GLRX3: variants seen among roughly 807,000 people sequenced by gnomAD.
GLRX3 encodes the protein glutaredoxin 3.
Under a neutral mutation model 49.5 loss-of-function variants are expected in GLRX3, and 22 were observed. The ratio of observed to expected loss-of-function variants is 0.44; its 90% CI spans 0.32 to 0.63. The LOEUF is 0.63. GLRX3 is among the 30% of genes least tolerant of loss of function. The pLI is 0.05. For synonymous variants in GLRX3, 133 were observed against 140.0 expected, an observed-to-expected ratio of 0.95 and a Z score of 0.35; for missense variants, 385 against 396.3, an observed-to-expected ratio of 0.97 and a Z score of 0.24.
chr10:130,168,577 C>T (rs573511027), intron 6 of GLRX3, among the ~76,000 whole-genome samples: 6 of 152,282 alleles, frequency 3.9e-5, no homozygotes, highest in South Asian at 4.1e-4. Context: ...CCCGGGTAGC[C>T]GTGACCACAG....
At chr10:130,138,847 GTTTTTTTT>G (rs61152449) in intron 1 of GLRX3, among the ~76,000 whole-genome samples, 5 of 95,018 alleles carry the variant, frequency 5.3e-5, no homozygotes, top group Non-Finnish European at 7.7e-5. Context: ...GAATAAAAGT[GTTTTTTTT>G]TTTTTTTTTT....
At chr10:130,141,662 G>T (rs1042173225) in intron 1 of GLRX3, among the ~76,000 whole-genome samples, 1 of 152,144 alleles carries the variant, frequency 6.6e-6, no homozygotes, top group South Asian at 2.1e-4. Flanking sequence ...CTTTTTACTG[G>T]TAAGTTACAT....
chr10:130,174,193 G>A (rs1441136154), intron 8 of GLRX3, among the ~76,000 whole-genome samples: 8 of 152,240 alleles, frequency 5.3e-5, no homozygotes, highest in Non-Finnish European at 1.2e-4. Flanking sequence ...TCTGAAATAA[G>A]TTTAAGTGTG....
chr10:130,149,553 T>C (rs758677585), intron 2 of GLRX3, among the ~76,000 whole-genome samples: 4 of 152,200 alleles, frequency 2.6e-5, no homozygotes, highest in Non-Finnish European at 5.9e-5. Context: ...ACATAGTCAG[T>C]ATCTTCTCTC....
chr10:130,161,335 C>G (rs1019371044), intron 4 of GLRX3, among the ~76,000 whole-genome samples: 2 of 152,168 alleles, frequency 1.3e-5, no homozygotes, highest in East Asian at 3.9e-4. Context: ...TACCATATTG[C>G]TGTCTCTTTT....
intron 6 of GLRX3, among the ~76,000 whole-genome samples, chr10:130,168,590 G>A (rs773680914): frequency 1.3e-5 from 2 of 152,298 alleles, no homozygotes; most frequent in South Asian, 2.1e-4. Flanking sequence ...GACCACAGGC[G>A]TCCGCCACCA....
chr10:130,171,345 A>G (rs1182484701), intron 7 of GLRX3, among the ~76,000 whole-genome samples: 2 of 152,112 alleles, frequency 1.3e-5, no homozygotes, highest in African/African-American at 4.8e-5. Context: ...GTTGGAACAC[A>G]TGTCATCTCA....
chr10:130,147,647 A>G (rs1384732095), intron 2 of GLRX3, among the ~76,000 whole-genome samples: 3 of 151,206 alleles, frequency 2.0e-5, no homozygotes, highest in Non-Finnish European at 2.9e-5. Flanking sequence ...GGGCAAAGGT[A>G]CTTTCCATGG....
intron 2 of GLRX3, among the ~76,000 whole-genome samples, chr10:130,147,899 G>T (rs968230091): frequency 3.9e-5 from 6 of 152,120 alleles, no homozygotes; most frequent in Non-Finnish European, 7.3e-5. Context: ...AAAAAAGTTA[G>T]CTGTGCATGT....
chr10:130,145,326 A>G lies in GLRX3; in HGVS notation c.201+7A>G. ...TCAAGTTTCATTTGTGAAGGTATTT[A>G]TATTTCAATGTCATGTCTTTTGTGA... On this transcript the variant is annotated splice_region_variant and intron_variant, in intron 2 of 10. Transcript: ENST00000331244. 4 of 1,173,486 alleles carry G rather than the reference A, an allele frequency of 3.4e-6. No homozygotes were observed. Among genetic ancestry groups the G allele is most frequent in the Non-Finnish European group, 2.6e-6 (2 of 778,068 alleles). 72.7% of individuals were successfully genotyped at this position (1,173,486 alleles called of 1,614,324 possible).
At chr10:130,141,780 T>C (rs1449592777) in intron 1 of GLRX3, among the ~76,000 whole-genome samples, 2 of 152,206 alleles carry the variant, frequency 1.3e-5, no homozygotes, top group Non-Finnish European at 2.9e-5. Flanking sequence ...GCATGAGGCC[T>C]CTGTGAACCT....
In GLRX3 at chr10:130,166,793, G is replaced by T. The variant is rs2134913456; in HGVS notation, c.651+114G>T. The stretch of plus-strand genomic sequence containing the variant: ...CTTATGAATCTATATTTACTAATAA[G>T]AACCTGCAATGAATACACAGTATTT... On this transcript the variant is annotated intron_variant, in intron 5 of 10. Coordinates refer to ENST00000331244, the MANE Select transcript of GLRX3 (RefSeq NM_006541.5). The T allele has an allele frequency of 3.2e-6, 3 of 926,722 alleles. No homozygotes were observed. In the East Asian group the frequency reaches 7.5e-5, roughly 23 times the overall value. The allele number at this position is 926,722 out of a possible 1,614,324, so 57.4% of individuals were successfully genotyped here.
At chr10:130,169,340 C>T (rs1862757354) in intron 6 of GLRX3, 93 bp from the exon 7 acceptor site, 3 of 774,752 alleles carry the variant, frequency 3.9e-6, no homozygotes, top group Non-Finnish European at 7.0e-6. Context: ...GTCATCCTGC[C>T]ATCCCTCAAA....
chr10:130,157,739 A>G (rs1862504148), intron 2 of GLRX3, among the ~76,000 whole-genome samples: 1 of 151,968 alleles, frequency 6.6e-6, no homozygotes, highest in Non-Finnish European at 1.5e-5. Context: ...GCACCTTTCA[A>G]AATTGTCTGT....
At chr10:130,145,182 T>G (rs1862247862) in intron 1 of GLRX3, 29 bp from the exon 2 acceptor site, 4 of 866,966 alleles carry the variant, frequency 4.6e-6, no homozygotes, top group Non-Finnish European at 7.5e-6. Flanking sequence ...TGGTATAATT[T>G]TAAATAAATG....
At chr10:130,151,386 T>C (rs1862374295) in intron 2 of GLRX3, among the ~76,000 whole-genome samples, 2 of 152,186 alleles carry the variant, frequency 1.3e-5, no homozygotes, top group Non-Finnish European at 1.5e-5. Context: ...AAAATTATTA[T>C]TATACTTTAA....
At chr10:130,144,521 A>G (rs959623893) in intron 1 of GLRX3, among the ~76,000 whole-genome samples, 2 of 147,998 alleles carry the variant, frequency 1.4e-5, no homozygotes, top group African/African-American at 5.0e-5. Flanking sequence ...GTGTGGTTTC[A>G]TTGTTCACCT....
In GLRX3 at chr10:130,145,393, T is replaced by C. The variant is rs147509108; in HGVS notation, c.201+74T>C. The C allele has an allele frequency of 8.2e-5, 62 of 753,826 alleles. No individual in the cohort carries two copies. The African/African-American group carries it at 9.8e-4, about 12-fold the overall frequency. 46.7% of individuals were successfully genotyped at this position (753,826 alleles called of 1,614,324 possible). Reference sequence around the variant, plus strand: ...TGGGTTAGATTAGGGCTGGGTGCGGTAGCTCACACCTGTAATCCCAGCACT... The same window carrying C: ...TGGGTTAGATTAGGGCTGGGTGCGGCAGCTCACACCTGTAATCCCAGCACT... On this transcript the variant is annotated intron_variant, in intron 2 of 10. Transcript: ENST00000331244.
chr10:130,153,661 C>T (rs892032447), intron 2 of GLRX3, among the ~76,000 whole-genome samples: 1 of 152,176 alleles, frequency 6.6e-6, no homozygotes, highest in African/African-American at 2.4e-5. Context: ...CCTGATCCTT[C>T]CTCTGGAAGC....
Sources: gnomAD v4.1 joint callset for allele counts (sites outside exome capture counted in the v4.1 genomes callset) on GRCh38, gnomAD v4.1.1 for gene constraint, MANE v1.5 for transcripts, NCBI Gene and HGNC (gene_info 2026-07-23, HGNC 2026-07-21) for gene names.